Variants in CEP192 observed in about 807,000 individuals in gnomAD.
The protein encoded by CEP192 is centrosomal protein 192.
A neutral mutation model predicts 271.8 loss-of-function variants in CEP192; 151 were observed. That is an observed-to-expected ratio of 0.56 (90% CI 0.49 to 0.64). The LOEUF (loss-of-function observed/expected upper bound fraction) is 0.64. CEP192 is among the 30% of genes least tolerant of loss of function. CEP192 has a pLI of 0.00. For missense variants in CEP192, 2,910 were observed against 3,020.5 expected (o/e 0.96, Z 0.86); for synonymous variants, 995 against 1,076.5 (o/e 0.92, Z 1.48).
Position 13,056,389 on chromosome 18 carries a change from G to A in CEP192, c.3799G>A (p.Gly1267Arg), listed in dbSNP as rs1489323429. 6.8e-6 allele frequency: 11 copies of A among 1,614,226 alleles called. No individual in the cohort carries two copies. The highest frequency in any genetic ancestry group is 8.5e-6 in the Non-Finnish European group (10 of 1,180,038). The change falls in exon 19 of 45, where the codon GGA becomes AGA. Residue 1267 changes from glycine to arginine, a missense_variant. By Grantham distance (125) the Gly-to-Arg change is moderately radical. Transcript: ENST00000506447. The part of the protein sequence containing the change: ...SAAPFAQRYL[G>R]TLPSTGSTTL... ...TGCTCCTTTTGCTCAGCGGTATTTG[G>A]GAACACTCCCTTCAACTGGAAGCAC...
At chr18:13,068,468 A>G in intron 24 of CEP192, 46 bp downstream of exon 24, 6 of 1,351,376 alleles carry the variant, frequency 4.4e-6, no homozygotes, top group Non-Finnish European at 4.2e-6. Context: ...CTGTAGCTAG[A>G]TAAACTACAA....
At chr18:13,086,852 C>G (rs572352103) in intron 30 of CEP192, among the ~76,000 whole-genome samples, 165 bp from the exon 31 acceptor site, 1 of 152,236 alleles carries the variant, frequency 6.6e-6, no homozygotes, top group South Asian at 2.1e-4. Flanking sequence ...AAGACAAAGT[C>G]TTGAATATAC....
chr18:13,033,322 C>CA (rs1013415943), intron 11 of CEP192, among the ~76,000 whole-genome samples: 17 of 151,962 alleles, frequency 1.1e-4, no homozygotes, highest in African/African-American at 2.9e-4. Flanking sequence ...AAATGTACAA[C>CA]AAAAAATGTT....
chr18:13,008,392 A>G (rs970956208), intron 3 of CEP192, 64 bp from the exon 4 acceptor site: 2 of 1,123,006 alleles, frequency 1.8e-6, no homozygotes, highest in South Asian at 1.6e-5. Flanking sequence ...TGATTAATAA[A>G]TATTTTGTAG....
chr18:13,099,334 C>T (rs538098888), intron 36 of CEP192, 142 bp from the exon 37 acceptor site: 47 of 537,150 alleles, frequency 8.7e-5, no homozygotes, highest in Admixed American at 6.2e-4. Flanking sequence ...ATGTGGGAGC[C>T]GCATGGGAGT....
Position 13,103,365 on chromosome 18 carries a change from A to G in CEP192, c.6872-144A>G, listed in dbSNP as rs878859269. 3.0e-5 allele frequency: 19 copies of G among 636,370 alleles called. No individual in the cohort carries two copies. The South Asian group carries it at 3.1e-4, about 10-fold the overall frequency. The allele number at this position is 636,370 out of a possible 1,614,324, so 39.4% of individuals were successfully genotyped here. ...CTGACATACCTGATTTTTAAAGAAA[A>G]TACTGTGGTTCTTGTTGAACTCCTT... On this transcript the variant is annotated intron_variant, in intron 38 of 44. Coordinates refer to ENST00000506447, the MANE Select transcript of CEP192 (RefSeq NM_032142.4).
rs79600769 is a variant in CEP192 at position 12,995,359 on chromosome 18, C to T, written c.-5+3922C>T. ...GATTACAGGCGTGAGCCACCACGCC[C>T]GGCCTCATGGGAGGATTTTGAACAT... On this transcript the variant is annotated intron_variant, in intron 1 of 44. Transcript: ENST00000506447. Among the ~76,000 whole-genome samples the T allele has an allele frequency of 1.8e-4, 28 of 152,216 alleles. No individual in the cohort carries two copies. The East Asian group carries it at 1.9e-3, about 11-fold the overall frequency.
chr18:13,068,516 C>A, intron 24 of CEP192, 94 bp downstream of exon 24: 1 of 1,058,752 alleles, frequency 9.4e-7, no homozygotes, highest in Non-Finnish European at 1.4e-6. Context: ...AATGTCAGTA[C>A]TTCGAAATCT....
intron 30 of CEP192, among the ~76,000 whole-genome samples, chr18:13,082,274 C>T (rs900575222): frequency 4.6e-5 from 7 of 151,864 alleles, no homozygotes; most frequent in African/African-American, 1.2e-4. Flanking sequence ...ACTTGCTTTA[C>T]GAATCTGGGT....
intron 36 of CEP192, among the ~76,000 whole-genome samples, chr18:13,098,299 G>A (rs562323293): frequency 6.6e-6 from 1 of 151,962 alleles, no homozygotes; most frequent in South Asian, 2.1e-4. Flanking sequence ...CTCCTGGATG[G>A]GGCGGCTGGC....
chr18:13,014,879 T>C (rs936791249), intron 5 of CEP192, among the ~76,000 whole-genome samples: 1 of 152,236 alleles, frequency 6.6e-6, no homozygotes, highest in Non-Finnish European at 1.5e-5. Flanking sequence ...ATTAAATGGC[T>C]GCGTGCCCTT....
At chr18:13,053,724 C>G (rs1230326878) in intron 18 of CEP192, among the ~76,000 whole-genome samples, 2 of 152,180 alleles carry the variant, frequency 1.3e-5, no homozygotes, top group Non-Finnish European at 2.9e-5. Context: ...CGATCTCGCT[C>G]TGTCACCCAG....
chr18:13,079,029 T>A (rs569257714), intron 30 of CEP192, among the ~76,000 whole-genome samples: 21 of 152,338 alleles, frequency 1.4e-4, no homozygotes, highest in Admixed American at 1.0e-3. Context: ...CTTAATCCAG[T>A]CTATCACTGA....
chr18:13,032,219 G>A (rs971385282), intron 11 of CEP192, among the ~76,000 whole-genome samples: 1 of 152,184 alleles, frequency 6.6e-6, no homozygotes, highest in African/African-American at 2.4e-5. Flanking sequence ...AGTGAAAGAC[G>A]TAGAAGTAAA....
chr18:13,075,795 G>T (rs554451908), intron 30 of CEP192, among the ~76,000 whole-genome samples: 3 of 152,220 alleles, frequency 2.0e-5, no homozygotes, highest in African/African-American at 7.2e-5. Flanking sequence ...GTAAACTGAG[G>T]CTGAGAGAGA....
At chr18:13,070,989 C>A in intron 27 of CEP192, 50 bp from the exon 28 acceptor site, 1 of 1,487,324 alleles carries the variant, frequency 6.7e-7, no homozygotes, top group Non-Finnish European at 9.3e-7. Flanking sequence ...GAAATAGTTG[C>A]GAAAAGAATT....
intron 17 of CEP192, among the ~76,000 whole-genome samples, chr18:13,050,428 A>T (rs959947218): frequency 6.6e-6 from 1 of 152,196 alleles, no homozygotes; most frequent in Non-Finnish European, 1.5e-5. Context: ...AAAGTTTTTC[A>T]TGTTCATCTG....
At chr18:13,021,957 T>G (rs2035019832) in intron 9 of CEP192, among the ~76,000 whole-genome samples, 1 of 152,256 alleles carries the variant, frequency 6.6e-6, no homozygotes, top group Non-Finnish European at 1.5e-5. Context: ...ATCTTGTACC[T>G]TCTAGATTTT....
intron 21 of CEP192, among the ~76,000 whole-genome samples, chr18:13,066,963 CTGTGTGTGTGTGTGTGTG>C (rs56795701): frequency 3.5e-5 from 5 of 143,512 alleles, no homozygotes; most frequent in African/African-American, 1.3e-4. Flanking sequence ...GTGAGCACGT[CTGTGTGTGTGTGTGTGTG>C]TGTGTGTGTG....
Sources: allele counts gnomAD v4.1 joint callset (sites outside exome capture counted in the v4.1 genomes callset), GRCh38; gene constraint gnomAD v4.1.1; transcripts MANE v1.5; gene names NCBI Gene and HGNC (gene_info 2026-07-23, HGNC 2026-07-21).